The following MACF1 variants were observed in gnomAD, a reference collection of about 807,000 sequenced individuals.
MACF1 encodes microtubule-actin cross-linking factor 1.
A neutral mutation model predicts 854.8 loss-of-function variants in MACF1; 193 were observed. The observed-to-expected ratio is 0.23, with a 90% CI of 0.20 to 0.25. The LOEUF (loss-of-function observed/expected upper bound fraction) is 0.25, where lower values mean the gene tolerates loss of function less well. Ranked by LOEUF, MACF1 falls within the 10% of genes least tolerant of loss-of-function variation. The pLI, the probability that MACF1 is intolerant of heterozygous loss-of-function variation, is 1.00. For synonymous variants in MACF1, 3,185 were observed against 3,226.7 expected (o/e 0.99, Z 0.44); for missense variants, 7,722 against 8,929.1 (o/e 0.86, Z 5.45).
chr1:39,296,575 C>G (rs1477524045), intron 20 of MACF1, among the ~76,000 whole-genome samples: 2 of 151,254 alleles, frequency 1.3e-5, no homozygotes, highest in African/African-American at 4.9e-5. Context: ...ATTAAAAATA[C>G]AAAAATTAGC....
chr1:39,140,821 A>T (rs1643323594), intron 2 of MACF1, among the ~76,000 whole-genome samples: 1 of 148,084 alleles, frequency 6.8e-6, no homozygotes, highest in South Asian at 2.2e-4. Context: ...AGGCTGAAGC[A>T]GGAGAATCTC....
At chr1:39,468,416 C>A (rs1172292725) in intron 95 of MACF1, among the ~76,000 whole-genome samples, 199 bp from the exon 96 acceptor site, 1 of 152,158 alleles carries the variant, frequency 6.6e-6, no homozygotes, top group Non-Finnish European at 1.5e-5. Flanking sequence ...ATCAAGACAC[C>A]AGTCTTTAGC....
rs1307673646 is a variant in MACF1, at chr1:39,350,926, G to C, written c.11107G>C (p.Glu3703Gln). 6.2e-7 allele frequency: 1 copy of C among 1,614,142 alleles called. No individual in the cohort carries two copies. The highest frequency in any genetic ancestry group is 1.3e-5 in the African/African-American group (1 of 75,042). ...ALREKLHQAK[E>Q]QYEALQEETR... Reference sequence around the variant, plus strand: ...TCGGGAAAAGCTTCATCAGGCTAAGGAGCAATATGAGGCGCTCCAGGAAGA... The same window carrying C: ...TCGGGAAAAGCTTCATCAGGCTAAGCAGCAATATGAGGCGCTCCAGGAAGA... The change falls in exon 43 of 101, where the codon GAG becomes CAG. Residue 3703 changes from glutamate (E) to glutamine (Q), a missense_variant. Around this residue, in one of 15 missense-constraint regions of MACF1, gnomAD observed 2,807 missense variants for 3,235.8 expected, o/e 0.87. Coordinates refer to ENST00000564288, the MANE Select transcript of MACF1 (RefSeq NM_001394062.1).
At chr1:39,410,706 G>T in intron 58 of MACF1, 9 of 1,613,906 alleles carry the variant, frequency 5.6e-6, no homozygotes, top group South Asian at 2.2e-5. Flanking sequence ...TTGCAGAGAG[G>T]ATAGAAGCTT....
At chr1:39,411,365 C>T in intron 58 of MACF1, 1 of 1,613,990 alleles carries the variant, frequency 6.2e-7, no homozygotes, top group South Asian at 1.1e-5. Context: ...AGAGAACAAG[C>T]AAACACAGCA....
At chr1:39,119,178 G>A (rs1557464844) in intron 2 of MACF1, among the ~76,000 whole-genome samples, 1 of 152,008 alleles carries the variant, frequency 6.6e-6, no homozygotes, top group Non-Finnish European at 1.5e-5. Context: ...ATTAGCTGGC[G>A]TGGTGGCCCA....
intron 38 of MACF1, among the ~76,000 whole-genome samples, chr1:39,338,021 G>A (rs1269236682): frequency 2.6e-5 from 4 of 151,900 alleles, no homozygotes; most frequent in African/African-American, 4.8e-5. Flanking sequence ...TGCCCTCCTC[G>A]GCCTCCCAAA....
chr1:39,352,840 A>G (rs1308023286), intron 43 of MACF1, among the ~76,000 whole-genome samples, 167 bp from the exon 44 acceptor site: 1 of 152,058 alleles, frequency 6.6e-6, no homozygotes, highest in African/African-American at 2.4e-5. Context: ...TAATTTTTCA[A>G]AAGATTTTAA....
intron 2 of MACF1, among the ~76,000 whole-genome samples, chr1:39,173,351 A>AAAG (rs1553155693): frequency 0.2 from 24,636 of 125,454 alleles, 2,898 homozygotes; most frequent in Non-Finnish European, 0.26. Flanking sequence ...AAAAAAAAAA[A>AAAG]AAAGAAAGAA....
intron 1 of MACF1, among the ~76,000 whole-genome samples, chr1:39,222,407 GA>G (rs1644664164): frequency 1.3e-5 from 2 of 152,294 alleles, no homozygotes; most frequent in African/African-American, 4.8e-5. Flanking sequence ...TTATAGGCAT[GA>G]GCCACCATGC....
Position 39,409,922 on chromosome 1 carries a change from G to A in MACF1, c.15817-12452G>A, listed in dbSNP as rs1462940919. 1 of 206,212 alleles carries A rather than the reference G, an allele frequency of 4.8e-6. No homozygotes were observed. The highest frequency in any genetic ancestry group is 9.6e-6 in the Non-Finnish European group (1 of 103,862). The allele number at this position is 206,212 out of a possible 1,614,324, so 12.8% of individuals were successfully genotyped here. ...CTTCGGTGAGAAGTGAGTGGAACTA[G>A]ATATCGAAAAAGACTCGTCAATATC... is the stretch of plus-strand genomic sequence containing the variant. On this transcript the variant is annotated intron_variant, in intron 58 of 100. Transcript: ENST00000564288. The surrounding 1 kb of genome is among the most constrained non-coding windows in gnomAD (Gnocchi z 4.2).
chr1:39,142,472 A>G (rs140679560), intron 2 of MACF1, among the ~76,000 whole-genome samples: 13 of 152,310 alleles, frequency 8.5e-5, no homozygotes, highest in African/African-American at 2.6e-4. Flanking sequence ...TTACAGTGCT[A>G]TGAATGTACC....
In MACF1 at chr1:39,204,728, G is replaced by A. The variant is rs1644431049; in HGVS notation, c.-295G>A. The A allele has an allele frequency of 6.6e-6, 2 of 304,536 alleles. No individual in the cohort carries two copies. Among genetic ancestry groups the A allele is most frequent in the Non-Finnish European group, 1.2e-5 (2 of 162,184 alleles). 18.9% of individuals were successfully genotyped at this position (304,536 alleles called of 1,614,324 possible). A position where few individuals can be genotyped will look rare whatever the true frequency, so the allele number is the denominator to read the frequency against. ...GAGTCAGCTTGACACTGGCTTAGGC[G>A]CTCCTTTTCACTCTCCTTGTTCCTT... On this transcript the variant is annotated 5_prime_UTR_variant, in exon 1 of 101. Transcript: ENST00000564288.
Position 39,442,694 on chromosome 1 carries a change from T to C in MACF1, c.19105-20T>C, listed in dbSNP as rs768149265. On this transcript the variant is annotated intron_variant, in intron 77 of 100. Transcript: ENST00000564288. ...AGATGATATCCATAGAGATAAATTATGTTGTTCAACATGTTTTAGGTCCTA... is the reference window on the plus strand; with the variant it reads ...AGATGATATCCATAGAGATAAATTACGTTGTTCAACATGTTTTAGGTCCTA... 1.2e-6 allele frequency: 2 copies of C among 1,613,184 alleles called. No individual in the cohort carries two copies. Among genetic ancestry groups the C allele is most frequent in the East Asian group, 2.2e-5 (1 of 44,874 alleles).
chr1:39,298,682 G>T, intron 21 of MACF1: 2 of 420,260 alleles, frequency 4.8e-6, no homozygotes, highest in Admixed American at 2.8e-5. Context: ...ACCTATGAGT[G>T]GTTTTACATT....
intron 2 of MACF1, among the ~76,000 whole-genome samples, chr1:39,151,425 C>G (rs1007424268): frequency 2.0e-5 from 3 of 152,170 alleles, no homozygotes; most frequent in Non-Finnish European, 4.4e-5. Flanking sequence ...CTCGGAAGCC[C>G]TTGCAATGGG....
Position 39,334,630 on chromosome 1 carries a change from T to A in MACF1, c.8042T>A (p.Leu2681Gln), listed in dbSNP as rs1156380699. Residue 2681 changes from leucine (L) to glutamine (Q), a missense_variant, in exon 37 of 101, where the codon CTG (leucine) becomes CAG (glutamine). Physicochemically the swap from Leu to Gln is moderately radical, Grantham distance 113. Transcript: ENST00000564288. ...QLGKVDFAST[L>Q]KVLEAQANTG... ...GGAAAAGTAGACTTTGCATCTACGC[T>A]GAAGGTTCTAGAAGCCCAGGCAAAT... 5.0e-6 allele frequency: 8 copies of A among 1,613,980 alleles called. No homozygotes were observed. The Admixed American group carries it at 1.2e-4, about 24-fold the overall frequency.
intron 99 of MACF1, among the ~76,000 whole-genome samples, chr1:39,481,596 G>T (rs1284454900): frequency 6.6e-6 from 1 of 152,198 alleles, no homozygotes; most frequent in African/African-American, 2.4e-5. Flanking sequence ...GAATTTCTTG[G>T]CCTAGGCACT....
chr1:39,234,715 G>T (rs558595601), intron 2 of MACF1, among the ~76,000 whole-genome samples: 1 of 134,332 alleles, frequency 7.4e-6, no homozygotes, highest in Non-Finnish European at 1.6e-5. Context: ...CAGATGGGGC[G>T]GCTGCCGGGC....
Sources: allele counts gnomAD v4.1 joint callset (sites outside exome capture counted in the v4.1 genomes callset), GRCh38; gene constraint gnomAD v4.1.1; regional missense constraint gnomAD v4.1.1; non-coding constraint Gnocchi (gnomAD v3.1); transcripts MANE v1.5; gene names NCBI Gene and HGNC (gene_info 2026-07-23, HGNC 2026-07-21).